PTPRZ1: variants seen among roughly 807,000 people sequenced by gnomAD.
The protein encoded by PTPRZ1 is protein tyrosine phosphatase receptor type Z1, also known as receptor-type tyrosine-protein phosphatase zeta.
In PTPRZ1, 82 loss-of-function variants were observed where a neutral mutation model predicts 214.1. The ratio of observed to expected loss-of-function variants is 0.38; its 90% CI spans 0.32 to 0.46. The LOEUF is 0.46. PTPRZ1 is among the 20% of genes least tolerant of loss of function. PTPRZ1 has a pLI of 1.00. For synonymous variants in PTPRZ1, 945 were observed against 987.9 expected, an observed-to-expected ratio of 0.96 and a Z score of 0.81; for missense variants, 2,603 against 2,748.7, an observed-to-expected ratio of 0.95 and a Z score of 1.19.
intron 8 of PTPRZ1, among the ~76,000 whole-genome samples, chr7:121,990,512 C>CTTTTTTTT (rs758696565): frequency 1.4e-5 from 1 of 73,474 alleles, no homozygotes; most frequent in African/African-American, 5.9e-5. Context: ...TGAAAACTGT[C>CTTTTTTTT]TTTTTTTTTT....
intron 1 of PTPRZ1, among the ~76,000 whole-genome samples, chr7:121,886,016 C>T (rs960149424): frequency 1.3e-5 from 2 of 152,096 alleles, no homozygotes; most frequent in Non-Finnish European, 2.9e-5. Flanking sequence ...GCGATGAGTT[C>T]TCACTCTTAA....
In PTPRZ1 at chr7:121,996,541, T is replaced by G. The variant is rs1299345173; in HGVS notation, c.1088T>G (p.Phe363Cys). ...GGAGAGGACCAAACCAAGCATGAAT[T>G]TTTGACAGATGGCTATCAAGACTTG... ...LDGEDQTKHE[F>C]LTDGYQDLGA... Residue 363 changes from phenylalanine (F) to cysteine (C), a missense_variant, in exon 9 of 30, where the codon TTT becomes TGT. Phe to Cys is a radical substitution (Grantham distance 205). Coordinates refer to ENST00000393386, the MANE Select transcript of PTPRZ1 (RefSeq NM_002851.3). 1.2e-6 allele frequency: 2 copies of G among 1,611,790 alleles called. No individual in the cohort carries two copies. The highest frequency in any genetic ancestry group is 2.2e-5 in the South Asian group (2 of 90,534).
At chr7:121,968,757 T>A (rs1374652679) in intron 3 of PTPRZ1, among the ~76,000 whole-genome samples, 2 of 152,030 alleles carry the variant, frequency 1.3e-5, no homozygotes, top group Non-Finnish European at 2.9e-5. Context: ...ATATTCTAGT[T>A]TTTTTAAAAA....
chr7:122,053,941 C>T lies in PTPRZ1; in HGVS notation c.6284C>T (p.Thr2095Ile), dbSNP rs1248991134. 2 of 1,612,964 alleles carry T rather than the reference C, an allele frequency of 1.2e-6. No homozygotes were observed. The highest frequency in any genetic ancestry group is 1.7e-6 in the Non-Finnish European group (2 of 1,179,332). ...GYYQSNEFII[T>I]QHPLLHTIKD... ...TACCAGAGCAATGAATTCATCATTACCCAGCACCCTCTCCTTCATACCATC... is the reference window on the plus strand; with the variant it reads ...TACCAGAGCAATGAATTCATCATTATCCAGCACCCTCTCCTTCATACCATC... The change falls in exon 26 of 30, where the codon ACC becomes ATC. Residue 2095 changes from threonine (T) to isoleucine (I), a missense_variant. Coordinates refer to ENST00000393386, the MANE Select transcript of PTPRZ1 (RefSeq NM_002851.3).
chr7:121,904,407 G>A (rs1045379709), intron 1 of PTPRZ1, among the ~76,000 whole-genome samples: 2 of 152,150 alleles, frequency 1.3e-5, no homozygotes, highest in Admixed American at 1.3e-4. Flanking sequence ...CAGTGGGGGT[G>A]CTCACAGCCT....
intron 11 of PTPRZ1, among the ~76,000 whole-genome samples, chr7:122,007,937 A>T (rs954670552): frequency 6.6e-6 from 1 of 152,166 alleles, no homozygotes; most frequent in Non-Finnish European, 1.5e-5. Context: ...GTGACCTTAC[A>T]GCGATCAACA....
intron 6 of PTPRZ1, among the ~76,000 whole-genome samples, chr7:121,983,451 G>A (rs1427652799): frequency 2.6e-5 from 4 of 152,154 alleles, no homozygotes; most frequent in African/African-American, 9.7e-5. Context: ...CCATCTTGAT[G>A]TAAAGATAAG....
intron 2 of PTPRZ1, among the ~76,000 whole-genome samples, chr7:121,934,579 A>G (rs1458183504): frequency 2.0e-5 from 3 of 151,624 alleles, no homozygotes; most frequent in Admixed American, 6.6e-5. Flanking sequence ...TTGTGTGCAG[A>G]TCAAATAGAT....
At chr7:122,025,063 A>G (rs980987046) in intron 13 of PTPRZ1, among the ~76,000 whole-genome samples, 1 of 152,182 alleles carries the variant, frequency 6.6e-6, no homozygotes, top group South Asian at 2.1e-4. Flanking sequence ...TTAGAAATCC[A>G]TCTAATCATT....
intron 6 of PTPRZ1, among the ~76,000 whole-genome samples, chr7:121,981,410 C>T (rs560141118): frequency 6.6e-6 from 1 of 152,306 alleles, no homozygotes; most frequent in African/African-American, 2.4e-5. Flanking sequence ...ACTTAGACTA[C>T]ACGGATTGGC....
intron 1 of PTPRZ1, among the ~76,000 whole-genome samples, chr7:121,895,536 G>A (rs1212117020): frequency 1.3e-5 from 2 of 152,138 alleles, no homozygotes; most frequent in African/African-American, 4.8e-5. Flanking sequence ...ACAGGAGAAA[G>A]TAAAGATTTT....
chr7:121,995,909 C>T (rs1307618488), intron 8 of PTPRZ1, among the ~76,000 whole-genome samples: 1 of 152,078 alleles, frequency 6.6e-6, no homozygotes, highest in Non-Finnish European at 1.5e-5. Flanking sequence ...ATTCTTTGTT[C>T]ATTTATTTCT....
chr7:121,994,626 A>G (rs1210768132), intron 8 of PTPRZ1, among the ~76,000 whole-genome samples: 1 of 152,116 alleles, frequency 6.6e-6, no homozygotes, highest in Admixed American at 6.5e-5. Flanking sequence ...TATTGTCCAG[A>G]GTCACTTCCA....
intron 3 of PTPRZ1, among the ~76,000 whole-genome samples, chr7:121,970,352 T>G (rs1220188706): frequency 1.3e-5 from 2 of 152,210 alleles, no homozygotes; most frequent in Admixed American, 6.5e-5. Context: ...GTATTTCCAG[T>G]TCTAGATCTC....
At chr7:121,954,785 A>G (rs996282911) in intron 2 of PTPRZ1, among the ~76,000 whole-genome samples, 3 of 152,246 alleles carry the variant, frequency 2.0e-5, no homozygotes, top group Admixed American at 1.3e-4. Flanking sequence ...AGCTGCAATC[A>G]GCAGCGTTAA....
intron 8 of PTPRZ1, among the ~76,000 whole-genome samples, chr7:121,994,575 A>C (rs1798078873): frequency 6.6e-6 from 1 of 152,148 alleles, no homozygotes; most frequent in East Asian, 1.9e-4. Flanking sequence ...CCATTCTGTA[A>C]AAAGTGGAAT....
intron 1 of PTPRZ1, among the ~76,000 whole-genome samples, chr7:121,887,483 C>T (rs1794431194): frequency 6.6e-6 from 1 of 151,992 alleles, no homozygotes; most frequent in Non-Finnish European, 1.5e-5. Flanking sequence ...AAAAGGTAAA[C>T]AGAAAGTAGG....
At chr7:122,024,897 A>G (rs994970550) in intron 13 of PTPRZ1, among the ~76,000 whole-genome samples, 1 of 152,130 alleles carries the variant, frequency 6.6e-6, no homozygotes, top group Non-Finnish European at 1.5e-5. Flanking sequence ...CCATCTGCCC[A>G]TCCAGCCACC....
chr7:122,019,668 G>A (rs1429192387), intron 13 of PTPRZ1, among the ~76,000 whole-genome samples: 4 of 152,072 alleles, frequency 2.6e-5, no homozygotes, highest in East Asian at 1.9e-4. Flanking sequence ...TGTACAAGAT[G>A]TGTATTAACT....
Sources: allele counts gnomAD v4.1 joint callset (sites outside exome capture counted in the v4.1 genomes callset), GRCh38; gene constraint gnomAD v4.1.1; transcripts MANE v1.5; gene names NCBI Gene and HGNC (gene_info 2026-07-23, HGNC 2026-07-21).